The following CCDC73 variants were observed in gnomAD, a reference collection of about 807,000 sequenced individuals.
The protein encoded by CCDC73 is coiled-coil domain containing 73.
CCDC73 carries 95 observed loss-of-function variants against 116.5 expected under a neutral mutation model. That is an observed-to-expected ratio of 0.82 (90% CI 0.69 to 0.97). CCDC73 has a LOEUF of 0.97. CCDC73 is among the 50% of genes least tolerant of loss of function. The pLI, the probability that CCDC73 is intolerant of heterozygous loss-of-function variation, is 0.00. For synonymous variants in CCDC73, 398 were observed against 401.3 expected (o/e 0.99, Z 0.10); for missense variants, 1,066 against 1,206.8 (o/e 0.88, Z 1.73).
chr11:32,725,171 T>C, intron 2 of CCDC73, among the ~76,000 whole-genome samples: 1 of 152,048 alleles, frequency 6.6e-6, no homozygotes, highest in Admixed American at 6.6e-5. Flanking sequence ...GTTCACTTTC[T>C]GAGGTTTCAG....
At chr11:32,809,530 C>T in the CCDC73 span, among the ~76,000 whole-genome samples, 1 of 152,126 alleles carries the variant, frequency 6.6e-6, no homozygotes, top group African/African-American at 2.4e-5. Flanking sequence ...GTTTCCAGAT[C>T]CTGGAGCCTA....
At chr11:32,746,861 G>C (rs1850243696) in intron 2 of CCDC73, among the ~76,000 whole-genome samples, 1 of 152,104 alleles carries the variant, frequency 6.6e-6, no homozygotes, top group African/African-American at 2.4e-5. Flanking sequence ...CCTTGCAATG[G>C]GTCAGAACAT....
chr11:32,646,123 G>A (rs1376196088), intron 12 of CCDC73, among the ~76,000 whole-genome samples: 1 of 152,188 alleles, frequency 6.6e-6, no homozygotes, highest in Non-Finnish European at 1.5e-5. Context: ...CAGTGCACTA[G>A]CAATATCAAT....
At chr11:32,815,494 C>T in the CCDC73 span, among the ~76,000 whole-genome samples, 1 of 152,134 alleles carries the variant, frequency 6.6e-6, no homozygotes, top group East Asian at 1.9e-4. Flanking sequence ...AGCCACTGCG[C>T]CCAGCCTATT....
intron 1 of CCDC73, among the ~76,000 whole-genome samples, chr11:32,776,999 A>G (rs1382760441): frequency 2.2e-5 from 2 of 90,792 alleles, no homozygotes; most frequent in African/African-American, 4.0e-5. Flanking sequence ...GTATATATAT[A>G]TATATATATA....
chr11:32,668,473 G>A lies in CCDC73; in HGVS notation c.645+7092C>T, dbSNP rs149149682. ...ATGAACATGATATAAAGAAAAATGCGATTTACCTTTGTCTAATATAAAAGT... is the reference window on the plus strand; with the variant it reads ...ATGAACATGATATAAAGAAAAATGCAATTTACCTTTGTCTAATATAAAAGT... On this transcript the variant is annotated intron_variant, in intron 9 of 17. Transcript: ENST00000335185. Among the ~76,000 whole-genome samples, 205 of 152,020 alleles carry A rather than the reference G, an allele frequency of 1.3e-3. 1 individual carries two copies. Among genetic ancestry groups the A allele is most frequent in the African/African-American group, 4.7e-3 (196 of 41,478 alleles).
chr11:32,696,956 A>C (rs1856316931), intron 6 of CCDC73, among the ~76,000 whole-genome samples: 1 of 150,656 alleles, frequency 6.6e-6, no homozygotes, highest in Admixed American at 6.6e-5. Flanking sequence ...CAGCCTCCTG[A>C]GTAGCTAAGA....
chr11:32,639,290 AG>A (rs1855710296), intron 13 of CCDC73, among the ~76,000 whole-genome samples: 1 of 152,220 alleles, frequency 6.6e-6, no homozygotes, highest in African/African-American at 2.4e-5. Flanking sequence ...AATGCTAAAA[AG>A]TACCTTGCAC....
intron 6 of CCDC73, among the ~76,000 whole-genome samples, chr11:32,696,345 T>C (rs1344171688): frequency 1.3e-5 from 2 of 152,172 alleles, no homozygotes; most frequent in Non-Finnish European, 2.9e-5. Flanking sequence ...TTTCCTTCTA[T>C]ATAGGTCCAG....
chr11:32,828,329 T>C, the CCDC73 span, among the ~76,000 whole-genome samples: 1 of 151,620 alleles, frequency 6.6e-6, no homozygotes, highest in Non-Finnish European at 1.5e-5. Context: ...GCCAACATGG[T>C]GAAAACCCCT....
At chr11:32,635,261 T>G (rs2133242312) in intron 14 of CCDC73, among the ~76,000 whole-genome samples, 1 of 152,204 alleles carries the variant, frequency 6.6e-6, no homozygotes, top group South Asian at 2.1e-4. Context: ...TAGAAAAAGC[T>G]TTTTTGGAAA....
intron 2 of CCDC73, among the ~76,000 whole-genome samples, chr11:32,736,141 A>G (rs1360099088): frequency 3.3e-5 from 5 of 152,224 alleles, no homozygotes; most frequent in Non-Finnish European, 7.3e-5. Context: ...AATGGCAACA[A>G]AAGCCAACAT....
chr11:32,689,518 A>T (rs1293572680), intron 6 of CCDC73, among the ~76,000 whole-genome samples: 3 of 152,152 alleles, frequency 2.0e-5, no homozygotes, highest in Non-Finnish European at 2.9e-5. Context: ...AGATATTATT[A>T]AAAATATTTT....
rs1188651605 is a variant in CCDC73 at position 32,614,190 on chromosome 11, C to T, written c.2128G>A (p.Val710Ile). The T allele has an allele frequency of 1.2e-6, 2 of 1,613,866 alleles. No homozygotes were observed. Among genetic ancestry groups the T allele is most frequent in the African/African-American group, 1.3e-5 (1 of 75,040 alleles). ...TTAGCACTAAAAGCAGCATATGAAA[C>T]ATGGTGGTCGATTACTATATCACAG... Reference protein sequence around the residue: ...VPCDIVIDHHVSYAAFSANSK... With the variant: ...VPCDIVIDHHISYAAFSANSK... The change falls in exon 16 of 18, where the codon GTT becomes ATT. Residue 710 changes from valine to isoleucine, a missense_variant. Val to Ile is a conservative substitution (Grantham distance 29). Coordinates refer to ENST00000335185, the MANE Select transcript of CCDC73 (RefSeq NM_001008391.4).
intron 6 of CCDC73, among the ~76,000 whole-genome samples, chr11:32,689,020 G>A (rs1856230142): frequency 6.6e-6 from 1 of 152,068 alleles, no homozygotes; most frequent in Non-Finnish European, 1.5e-5. Flanking sequence ...CAAAGCCAAG[G>A]GATCTAGCAC....
At chr11:32,805,354 C>G in the CCDC73 span, among the ~76,000 whole-genome samples, 1 of 152,304 alleles carries the variant, frequency 6.6e-6, no homozygotes, top group African/African-American at 2.4e-5. Flanking sequence ...TGCTTACAAA[C>G]TTTCCAAGGT....
intron 12 of CCDC73, among the ~76,000 whole-genome samples, chr11:32,651,678 A>G (rs1278783420): frequency 6.6e-6 from 1 of 152,236 alleles, no homozygotes; most frequent in Non-Finnish European, 1.5e-5. Context: ...TCTTCAAGAC[A>G]GTGACCATGA....
At chr11:32,697,333 T>G (rs890600611) in intron 6 of CCDC73, among the ~76,000 whole-genome samples, 1 of 152,008 alleles carries the variant, frequency 6.6e-6, no homozygotes, top group Non-Finnish European at 1.5e-5. Context: ...TTATACCTAG[T>G]ATAATAATTC....
the CCDC73 span, among the ~76,000 whole-genome samples, chr11:32,824,079 G>T: frequency 1.3e-5 from 2 of 152,060 alleles, no homozygotes; most frequent in Non-Finnish European, 2.9e-5. Context: ...ATTTTTAGTG[G>T]AGACGGGGTT....
Sources: gnomAD v4.1 joint callset for allele counts (sites outside exome capture counted in the v4.1 genomes callset) on GRCh38, gnomAD v4.1.1 for gene constraint, MANE v1.5 for transcripts, NCBI Gene and HGNC (gene_info 2026-07-23, HGNC 2026-07-21) for gene names.